The following BFSP2 variants were observed in gnomAD, a reference collection of about 807,000 sequenced individuals.
The protein encoded by BFSP2 is beaded filament structural protein 2.
A neutral mutation model predicts 44.9 loss-of-function variants in BFSP2; 38 were observed. That is an observed-to-expected ratio of 0.85 (90% confidence interval 0.65 to 1.11). BFSP2 has a LOEUF of 1.11. Among genes scored for constraint, BFSP2 ranks in the 50% least tolerant of loss-of-function variants. BFSP2 has a pLI of 0.00. For synonymous variants in BFSP2, 197 were observed against 209.9 expected, an observed-to-expected ratio of 0.94 and a Z score of 0.53; for missense variants, 525 against 533.0, an observed-to-expected ratio of 0.99 and a Z score of 0.15.
At chr3:133,471,973 C>A (rs534680151) in intron 5 of BFSP2, among the ~76,000 whole-genome samples, 6 of 152,088 alleles carry the variant, frequency 3.9e-5, no homozygotes, top group Non-Finnish European at 7.4e-5. Context: ...AACAAGATTT[C>A]TTTGAAGAAA....
At chr3:133,450,016 A>AGGAAGAAAGGAAGGAG (rs1225503133) in intron 3 of BFSP2, among the ~76,000 whole-genome samples, 1 of 93,196 alleles carries the variant, frequency 1.1e-5, no homozygotes, top group African/African-American at 4.5e-5. Context: ...GAAGGAAGGA[A>AGGAAGAAAGGAAGGAG]GGAGGGAGGG....
In BFSP2 at chr3:133,400,479, G is replaced by A. The variant is rs373365813; in HGVS notation, c.396G>A (p.Leu132=). 75 of 1,613,916 alleles carry A rather than the reference G, an allele frequency of 4.6e-5. No homozygotes were observed. Among genetic ancestry groups the A allele is most frequent in the Non-Finnish European group, 5.8e-5 (69 of 1,180,052 alleles). Residue 132 remains leucine (L), a synonymous_variant, in exon 1 of 7, where the codon CTG becomes CTA. Transcript: ENST00000302334. This position sits in a 1 kb window ranked among gnomAD's most constrained non-coding sequence, Gnocchi z 4.0. Reference sequence around the variant, plus strand: ...CCCTTGAGCAAGTCAGTCAGGAGCTGGAAACACAACTGCGGATGCACCTGG... The same window carrying A: ...CCCTTGAGCAAGTCAGTCAGGAGCTAGAAACACAACTGCGGATGCACCTGG... ...VHALEQVSQE[L]ETQLRMHLES...
At chr3:133,466,144 A>C (rs2074106811) in intron 4 of BFSP2, among the ~76,000 whole-genome samples, 1 of 148,010 alleles carries the variant, frequency 6.8e-6, no homozygotes, top group Non-Finnish European at 1.5e-5. Context: ...AATAATTTCT[A>C]AGATACTTTA....
At chr3:133,405,755 C>G (rs116310592) in intron 1 of BFSP2, among the ~76,000 whole-genome samples, 5,200 of 152,212 alleles carry the variant, frequency 0.034, 304 homozygotes, top group African/African-American at 0.12. Context: ...TCTTTGTCAG[C>G]CAAGCTATAA....
At chr3:133,446,755 T>A (rs1682823844) in intron 1 of BFSP2, among the ~76,000 whole-genome samples, 1 of 149,886 alleles carries the variant, frequency 6.7e-6, no homozygotes, top group African/African-American at 2.5e-5. Context: ...ATGAAACCCC[T>A]AAACTATATC....
At chr3:133,413,448 C>T (rs775887423) in intron 1 of BFSP2, among the ~76,000 whole-genome samples, 23 of 152,124 alleles carry the variant, frequency 1.5e-4, no homozygotes, top group Non-Finnish European at 2.8e-4. Context: ...ATCCAGGCAG[C>T]TGGCACAAGT....
chr3:133,474,339 T>C (rs2074195185), intron 6 of BFSP2, among the ~76,000 whole-genome samples: 1 of 152,352 alleles, frequency 6.6e-6, no homozygotes, highest in Admixed American at 6.5e-5. Context: ...TTGCGCATGA[T>C]CACACAGGAG....
chr3:133,425,784 G>GGAAAGGGAAAGGGAAGGGAA (rs1559964116), intron 1 of BFSP2, among the ~76,000 whole-genome samples: 5 of 13,208 alleles, frequency 3.8e-4, no homozygotes, highest in African/African-American at 8.4e-4. Flanking sequence ...AAAGGGAAAG[G>GGAAAGGGAAAGGGAAGGGAA]GAAGGGAAGG....
chr3:133,460,308 C>T (rs893848796), intron 4 of BFSP2, among the ~76,000 whole-genome samples: 2 of 152,238 alleles, frequency 1.3e-5, no homozygotes, highest in Non-Finnish European at 2.9e-5. Flanking sequence ...AAATTACACA[C>T]TTAGAAAGTG....
chr3:133,447,423 CA>C, intron 2 of BFSP2, 24 bp downstream of exon 2: 1 of 1,607,708 alleles, frequency 6.2e-7, no homozygotes, highest in Non-Finnish European at 8.5e-7. Context: ...GCAGAGGCGA[CA>C]GTCCCTCCAC....
intron 1 of BFSP2, among the ~76,000 whole-genome samples, chr3:133,423,239 T>C (rs1181256960): frequency 6.6e-6 from 1 of 151,946 alleles, no homozygotes; most frequent in Non-Finnish European, 1.5e-5. Context: ...GTGCAAGCCG[T>C]AAAGTGCAAA....
At chr3:133,452,869 A>T (rs2073978382) in intron 4 of BFSP2, among the ~76,000 whole-genome samples, 2 of 152,204 alleles carry the variant, frequency 1.3e-5, no homozygotes, top group Non-Finnish European at 2.9e-5. Flanking sequence ...ACAGACTATT[A>T]TAATTATCAG....
At chr3:133,434,523 A>T (rs2073761870) in intron 1 of BFSP2, among the ~76,000 whole-genome samples, 2 of 152,228 alleles carry the variant, frequency 1.3e-5, no homozygotes, top group East Asian at 3.9e-4. Context: ...TTAATATAAG[A>T]AGGCAGGAAT....
At chr3:133,463,157 A>C (rs2074079438) in intron 4 of BFSP2, among the ~76,000 whole-genome samples, 1 of 152,070 alleles carries the variant, frequency 6.6e-6, no homozygotes, top group Admixed American at 6.6e-5. Context: ...AAAAATACAA[A>C]AATTAGCCGG....
At position 133,466,677 on chromosome 3, in the gene BFSP2, C is replaced by CAAAAAAAATAAAAA. The variant is rs2074112912; in HGVS notation, c.892-143_892-142insTAAAAAAAAAAAAA. The stretch of plus-strand genomic sequence containing the variant: ...GCTACAGAGCGAGACTTCATCTCAA[C>CAAAAAAAATAAAAA]AAAAAAAAAAAAAAAAAAAAGATGT... On this transcript the variant is annotated intron_variant, in intron 4 of 6. Transcript: ENST00000302334. 2 of 182,404 alleles carry CAAAAAAAATAAAAA rather than the reference C, an allele frequency of 1.1e-5. 1 individual carries two copies. The allele number at this position is 182,404 out of a possible 1,614,324, so 11.3% of individuals were successfully genotyped here.
intron 1 of BFSP2, among the ~76,000 whole-genome samples, chr3:133,413,814 T>G (rs544577270): frequency 6.6e-6 from 1 of 152,108 alleles, no homozygotes; most frequent in South Asian, 2.1e-4. Context: ...CTTGTCCTTT[T>G]TAGTTACATG....
At chr3:133,453,860 A>C (rs1576590389) in intron 4 of BFSP2, among the ~76,000 whole-genome samples, 1 of 152,354 alleles carries the variant, frequency 6.6e-6, no homozygotes, top group Non-Finnish European at 1.5e-5. Flanking sequence ...AAATAGAGAC[A>C]TAAAAAAATT....
At chr3:133,443,863 G>A (rs934425520) in intron 1 of BFSP2, among the ~76,000 whole-genome samples, 8 of 152,046 alleles carry the variant, frequency 5.3e-5, no homozygotes, top group Non-Finnish European at 1.0e-4. Context: ...ACCATTCATT[G>A]TACCCTTGGG....
intron 1 of BFSP2, among the ~76,000 whole-genome samples, chr3:133,417,917 CCA>C (rs1446676364): frequency 1.6e-4 from 20 of 123,068 alleles, no homozygotes; most frequent in East Asian, 8.6e-4. Flanking sequence ...CTCACCCCTG[CCA>C]TCTCCCCTCT....
Sources: gnomAD v4.1 joint callset for allele counts (sites outside exome capture counted in the v4.1 genomes callset) on GRCh38, gnomAD v4.1.1 for gene constraint, Gnocchi (gnomAD v3.1) non-coding constraint, MANE v1.5 for transcripts, NCBI Gene and HGNC (gene_info 2026-07-23, HGNC 2026-07-21) for gene names.